VDAC1: variants seen among roughly 807,000 people sequenced by gnomAD.
VDAC1 encodes voltage dependent anion channel 1.
In VDAC1, 10 loss-of-function variants were observed where a neutral mutation model predicts 34.7. The ratio of observed to expected loss-of-function variants is 0.29; its 90% CI spans 0.18 to 0.49. VDAC1 has a LOEUF of 0.49. Ranked by LOEUF, VDAC1 falls within the 20% of genes least tolerant of loss-of-function variation. The pLI, the probability that VDAC1 is intolerant of heterozygous loss-of-function variation, is 0.99. For synonymous variants in VDAC1, 130 were observed against 136.0 expected, an observed-to-expected ratio of 0.96 and a Z score of 0.30; for missense variants, 230 against 347.9, an observed-to-expected ratio of 0.66 and a Z score of 2.69.
chr5:134,022,701 T>C, the VDAC1 span, among the ~76,000 whole-genome samples: 1 of 152,164 alleles, frequency 6.6e-6, no homozygotes, highest in East Asian at 1.9e-4. Flanking sequence ...TACCAGAAAT[T>C]TGTGCCTTAT....
At chr5:134,038,880 T>G in the VDAC1 span, among the ~76,000 whole-genome samples, 1 of 103,424 alleles carries the variant, frequency 9.7e-6, no homozygotes, top group Non-Finnish European at 1.8e-5. Flanking sequence ...ATCATTGAGA[T>G]AGACACAAAA....
At chr5:133,978,592 A>T (rs1366231096) in intron 6 of VDAC1, among the ~76,000 whole-genome samples, 3 of 152,226 alleles carry the variant, frequency 2.0e-5, no homozygotes, top group Non-Finnish European at 4.4e-5. Flanking sequence ...AAGATTTTTG[A>T]ATGACTTTAG....
At chr5:134,033,843 T>G in the VDAC1 span, among the ~76,000 whole-genome samples, 3 of 151,356 alleles carry the variant, frequency 2.0e-5, no homozygotes, top group South Asian at 6.6e-4. Context: ...ATACAAAAAA[T>G]TAGCCGGGAG....
the VDAC1 span, among the ~76,000 whole-genome samples, chr5:134,031,886 G>C: frequency 6.6e-6 from 1 of 150,918 alleles, no homozygotes; most frequent in African/African-American, 2.4e-5. Context: ...GGGAGGTGGA[G>C]GTTGCATTGA....
chr5:133,974,519 G>A (rs909997719), intron 7 of VDAC1, among the ~76,000 whole-genome samples: 2 of 152,178 alleles, frequency 1.3e-5, no homozygotes, highest in African/African-American at 2.4e-5. Flanking sequence ...TTAACAGTCC[G>A]CATGATAGAA....
intron 5 of VDAC1, among the ~76,000 whole-genome samples, chr5:133,983,409 G>T (rs544680659): frequency 2.0e-5 from 3 of 152,000 alleles, no homozygotes; most frequent in Non-Finnish European, 4.4e-5. Flanking sequence ...TAGTATGTGC[G>T]TGGAGGAGTG....
At chr5:133,991,187 C>G (rs1360876250) in intron 3 of VDAC1, 33 bp from the exon 4 acceptor site, 5 of 1,603,738 alleles carry the variant, frequency 3.1e-6, no homozygotes, top group Non-Finnish European at 4.2e-6. Context: ...ACAGCCTGCA[C>G]CATAGCACTC....
chr5:134,007,684 G>C (rs1426680021), upstream of VDAC1, among the ~76,000 whole-genome samples: 4 of 152,166 alleles, frequency 2.6e-5, no homozygotes. Context: ...GGGAAAATGC[G>C]GGAGCTTTCA....
the VDAC1 span, among the ~76,000 whole-genome samples, chr5:134,091,630 G>A: frequency 1.3e-5 from 2 of 152,148 alleles, no homozygotes; most frequent in South Asian, 4.1e-4. Flanking sequence ...AGACACATGA[G>A]CTCTTGCTGC....
the VDAC1 span, among the ~76,000 whole-genome samples, chr5:134,087,808 A>T: frequency 6.7e-6 from 1 of 150,366 alleles, no homozygotes; most frequent in African/African-American, 2.5e-5. Context: ...GTGAGCTGAG[A>T]TCGCGCCACT....
intron 1 of VDAC1, among the ~76,000 whole-genome samples, chr5:134,004,102 G>T (rs921664305): frequency 1.3e-5 from 2 of 152,232 alleles, no homozygotes; most frequent in Non-Finnish European, 2.9e-5. Context: ...CAGGCGGGCG[G>T]TGCCGGGCGC....
At chr5:134,093,282 A>G in the VDAC1 span, among the ~76,000 whole-genome samples, 3,958 of 152,292 alleles carry the variant, frequency 0.026, 177 homozygotes, top group African/African-American at 0.09. Flanking sequence ...GAGTGCAGTT[A>G]TATACTGATG....
intron 5 of VDAC1, among the ~76,000 whole-genome samples, chr5:133,985,038 C>T (rs371036870): frequency 6.8e-6 from 1 of 148,104 alleles, no homozygotes; most frequent in Non-Finnish European, 1.5e-5. Context: ...AAGACATGCA[C>T]ATGTCTTTAC....
chr5:134,052,793 T>A, the VDAC1 span, among the ~76,000 whole-genome samples: 1 of 152,172 alleles, frequency 6.6e-6, no homozygotes, highest in Non-Finnish European at 1.5e-5. Context: ...GGGGAGCTAC[T>A]GTTGCTCCCC....
At chr5:134,007,242 CA>C (rs56702014), upstream of VDAC1, among the ~76,000 whole-genome samples, 428 of 120,206 alleles carry the variant, frequency 3.6e-3, 2 homozygotes, top group African/African-American at 9.4e-3. Flanking sequence ...GAAACTCTGC[CA>C]AAAAAAAAAA....
chr5:134,041,331 C>T, the VDAC1 span, among the ~76,000 whole-genome samples: 1 of 152,208 alleles, frequency 6.6e-6, no homozygotes, highest in African/African-American at 2.4e-5. Flanking sequence ...GGTACCTACA[C>T]CCACTCTGGG....
At chr5:134,081,688 C>T in the VDAC1 span, among the ~76,000 whole-genome samples, 1 of 151,948 alleles carries the variant, frequency 6.6e-6, no homozygotes, top group Non-Finnish European at 1.5e-5. Flanking sequence ...AGTCTTAGAA[C>T]CTCCCACTCA....
chr5:134,009,775 G>A (rs375181143), upstream of VDAC1, among the ~76,000 whole-genome samples: 12 of 151,896 alleles, frequency 7.9e-5, no homozygotes, highest in South Asian at 2.1e-4. Flanking sequence ...TCCACCTCCC[G>A]AGTTAAGCTA....
At chr5:134,036,824 G>A in the VDAC1 span, among the ~76,000 whole-genome samples, 1 of 151,658 alleles carries the variant, frequency 6.6e-6, no homozygotes, top group African/African-American at 2.4e-5. Flanking sequence ...ATGATGGCGA[G>A]CACCTGTAGT....
Sources: gnomAD v4.1 joint callset for allele counts (sites outside exome capture counted in the v4.1 genomes callset) on GRCh38, gnomAD v4.1.1 for gene constraint, MANE v1.5 for transcripts, NCBI Gene and HGNC (gene_info 2026-07-23, HGNC 2026-07-21) for gene names.